The following ZNF518A variants were observed in gnomAD, a reference collection of about 807,000 sequenced individuals.
The protein encoded by ZNF518A is zinc finger protein 518.
A neutral mutation model predicts 102.7 loss-of-function variants in ZNF518A; 47 were observed. The ratio of observed to expected loss-of-function variants is 0.46; its 90% CI spans 0.36 to 0.58. The LOEUF is 0.58. Among genes scored for constraint, ZNF518A ranks in the 20% least tolerant of loss-of-function variants. ZNF518A has a pLI of 0.00. For missense variants in ZNF518A, 1,793 were observed against 1,699.8 expected (o/e 1.05, Z -0.96); for synonymous variants, 652 against 594.6 (o/e 1.10, Z -1.40).
chr10:96,170,519 A>G (rs1371555004), intron 1 of ZNF518A, among the ~76,000 whole-genome samples: 3 of 152,214 alleles, frequency 2.0e-5, no homozygotes, highest in East Asian at 1.9e-4. Flanking sequence ...GAATGAGACT[A>G]GAGTAACTTA....
At chr10:96,181,266 T>C (rs61856978) in intron 1 of ZNF518A, among the ~76,000 whole-genome samples, 37,285 of 152,170 alleles carry the variant, frequency 0.25, 5,868 homozygotes, top group Middle Eastern at 0.37. Flanking sequence ...GATGGATAGA[T>C]TGCAAAAGTT....
chr10:96,187,581 T>C (rs1554892717), intron 1 of ZNF518A, among the ~76,000 whole-genome samples: 1 of 152,218 alleles, frequency 6.6e-6, no homozygotes, highest in Non-Finnish European at 1.5e-5. Context: ...ACAATCAGGC[T>C]TGTGCTGGAC....
At chr10:96,153,706 G>C (rs587776042) in intron 3 of ZNF518A, among the ~76,000 whole-genome samples, 10 of 152,074 alleles carry the variant, frequency 6.6e-5, no homozygotes, top group African/African-American at 2.2e-4. Context: ...TGTTCCCAAT[G>C]AAGCTTTTGA....
At chr10:96,149,278 G>A (rs868983538) in intron 3 of ZNF518A, among the ~76,000 whole-genome samples, 51 of 152,100 alleles carry the variant, frequency 3.4e-4, no homozygotes, top group African/African-American at 1.2e-3. Context: ...CATTGCTGTC[G>A]CCTAGGAGCC....
chr10:96,160,805 A>C lies in ZNF518A; in HGVS notation c.*31A>C. On this transcript the variant is annotated 3_prime_UTR_variant, in exon 6 of 6. Coordinates refer to ENST00000316045, the MANE Select transcript of ZNF518A (RefSeq NM_001330736.2). ...CATAATTACCAAGGAAAAGAAAAGT[A>C]AAATTACCTTAGAAGAAAACAACGG... The C allele has an allele frequency of 6.7e-7, 1 of 1,493,086 alleles. No individual in the cohort carries two copies. The highest frequency in any genetic ancestry group is 8.9e-7 in the Non-Finnish European group (1 of 1,125,334). 92.5% of individuals were successfully genotyped at this position (1,493,086 alleles called of 1,614,324 possible). A position where few individuals can be genotyped will look rare whatever the true frequency, so the allele number is the denominator to read the frequency against.
downstream of ZNF518A, chr10:96,204,841 C>G: frequency 4.0e-6 from 2 of 501,716 alleles, no homozygotes; most frequent in Non-Finnish European, 7.3e-6. Flanking sequence ...CATCCTACCA[C>G]CTCTGCATTC....
Position 96,159,819 on chromosome 10 carries a change from C to T in ZNF518A, c.3497C>T (p.Ala1166Val), listed in dbSNP as rs1554886520. 1.2e-6 allele frequency: 2 copies of T among 1,613,618 alleles called. No individual in the cohort carries two copies. The highest frequency in any genetic ancestry group is 1.7e-5 in the Admixed American group (1 of 60,006). ...AATAATCTGTCAGTAAGCAACTCTGCATCCTCATTGCAAAAAGACAACGTA... is the reference window on the plus strand; with the variant it reads ...AATAATCTGTCAGTAAGCAACTCTGTATCCTCATTGCAAAAAGACAACGTA... ...AANNLSVSNS[A>V]SSLQKDNVPS... Residue 1166 changes from alanine to valine, a missense_variant, in exon 6 of 6, where the codon GCA becomes GTA. This residue lies in a region of ZNF518A where 1,741 missense variants were observed against 1,622.6 expected (regional missense o/e 1.07). Coordinates refer to ENST00000316045, the MANE Select transcript of ZNF518A (RefSeq NM_001330736.2).
chr10:96,183,526 T>C (rs1554892217), intron 1 of ZNF518A, among the ~76,000 whole-genome samples: 1 of 152,260 alleles, frequency 6.6e-6, no homozygotes, highest in African/African-American at 2.4e-5. Flanking sequence ...TTTGTTCTCA[T>C]TCATTTCAAA....
chr10:96,152,083 G>A (rs1158615433), intron 3 of ZNF518A, among the ~76,000 whole-genome samples: 3 of 152,318 alleles, frequency 2.0e-5, no homozygotes, highest in East Asian at 1.9e-4. Flanking sequence ...AGGCCAAGGC[G>A]AGTGGATCGC....
chr10:96,170,770 GATAT>G (rs1274433300), intron 1 of ZNF518A, among the ~76,000 whole-genome samples: 2 of 152,062 alleles, frequency 1.3e-5, no homozygotes, highest in Admixed American at 6.6e-5. Flanking sequence ...TGCTTCAATG[GATAT>G]CATCAAGAAA....
At chr10:96,140,956 G>A (rs1214331102) in intron 3 of ZNF518A, among the ~76,000 whole-genome samples, 3 of 151,910 alleles carry the variant, frequency 2.0e-5, no homozygotes, top group Non-Finnish European at 2.9e-5. Flanking sequence ...AAAAAAAGAT[G>A]GGGGGTTGTG....
intron 3 of ZNF518A, among the ~76,000 whole-genome samples, chr10:96,138,959 T>TTGGGG (rs2081765394): frequency 6.7e-6 from 1 of 149,426 alleles, no homozygotes. Context: ...TTTTTTTTTT[T>TTGGGG]GAGGAAGGGA....
intron 1 of ZNF518A, chr10:96,189,424 T>G: frequency 1.7e-6 from 1 of 603,406 alleles, no homozygotes; most frequent in Non-Finnish European, 3.1e-6. Context: ...CGGAAGCAAT[T>G]CTTCACATAA....
chr10:96,157,738 ACAGT>A lies in ZNF518A; in HGVS notation c.1420_1423del (p.Ser474ValfsTer21). On this transcript the variant is annotated frameshift_variant, in exon 6 of 6. Coordinates refer to ENST00000316045, the MANE Select transcript of ZNF518A (RefSeq NM_001330736.2). LOFTEE classifies it high-confidence loss of function. ...AACAAAATGTATGTTCACCAGGCTCACAGTCAGGTGCTGCAAAGGACGGTACTGC... is the reference window on the plus strand; with the variant it reads ...AACAAAATGTATGTTCACCAGGCTCACAGGTGCTGCAAAGGACGGTACTGC... 3 of 1,613,936 alleles carry A rather than the reference ACAGT, an allele frequency of 1.9e-6. No homozygotes were observed. Among genetic ancestry groups the A allele is most frequent in the South Asian group, 2.2e-5 (2 of 91,084 alleles).
At chr10:96,131,624 C>T (rs587712635) in intron 1 of ZNF518A, among the ~76,000 whole-genome samples, 101 of 152,200 alleles carry the variant, frequency 6.6e-4, no homozygotes, top group African/African-American at 2.3e-3. Context: ...CAAATGTTTC[C>T]TGTTTGTTGC....
chr10:96,177,640 T>A (rs2083213563), intron 1 of ZNF518A, among the ~76,000 whole-genome samples: 2 of 152,146 alleles, frequency 1.3e-5, no homozygotes, highest in African/African-American at 4.8e-5. Flanking sequence ...TTGTATAGCC[T>A]AGAGGAACCA....
At chr10:96,186,578 A>G (rs1554892590) in intron 1 of ZNF518A, among the ~76,000 whole-genome samples, 1 of 152,090 alleles carries the variant, frequency 6.6e-6, no homozygotes. Flanking sequence ...TTGTATTTGT[A>G]GTAGAGACGG....
intron 1 of ZNF518A, among the ~76,000 whole-genome samples, chr10:96,177,021 G>C (rs901179712): frequency 6.7e-6 from 1 of 150,302 alleles, no homozygotes; most frequent in African/African-American, 2.5e-5. Context: ...AGGCTGCAGT[G>C]AGCCATGATC....
downstream of ZNF518A, among the ~76,000 whole-genome samples, chr10:96,167,703 CAA>C (rs1221446914): frequency 5.3e-5 from 8 of 151,774 alleles, no homozygotes; most frequent in East Asian, 1.4e-3. Flanking sequence ...CAATCTGAAA[CAA>C]AAAGTTTGAA....
Sources: gnomAD v4.1 joint callset for allele counts (sites outside exome capture counted in the v4.1 genomes callset) on GRCh38, gnomAD v4.1.1 for gene constraint, gnomAD v4.1.1 regional missense constraint, MANE v1.5 for transcripts, NCBI Gene and HGNC (gene_info 2026-07-23, HGNC 2026-07-21) for gene names.